KCNIP4: variants seen among roughly 807,000 people sequenced by gnomAD.
The protein encoded by KCNIP4 is potassium voltage-gated channel interacting protein 4.
A neutral mutation model predicts 34.0 loss-of-function variants in KCNIP4; 12 were observed. The observed-to-expected ratio is 0.35, with a 90% CI of 0.23 to 0.57. KCNIP4 has a LOEUF of 0.57. KCNIP4 is among the 20% of genes least tolerant of loss of function. KCNIP4 has a pLI of 0.83. For missense variants in KCNIP4, 238 were observed against 311.7 expected, an observed-to-expected ratio of 0.76 and a Z score of 1.78; for synonymous variants, 124 against 102.2, an observed-to-expected ratio of 1.21 and a Z score of -1.29.
At chr4:21,403,432 C>G (rs1407562737) in intron 1 of KCNIP4, among the ~76,000 whole-genome samples, 2 of 152,182 alleles carry the variant, frequency 1.3e-5, no homozygotes, top group Non-Finnish European at 1.5e-5. Context: ...GTTTTGCCAC[C>G]TACAGTCTAG....
At chr4:21,837,739 A>C (rs1723440220) in intron 1 of KCNIP4, among the ~76,000 whole-genome samples, 1 of 152,070 alleles carries the variant, frequency 6.6e-6, no homozygotes, top group Non-Finnish European at 1.5e-5. Context: ...GCCAAAATTT[A>C]AAATCATTTA....
At chr4:20,768,616 C>T (rs989708450) in intron 3 of KCNIP4, among the ~76,000 whole-genome samples, 6 of 152,164 alleles carry the variant, frequency 3.9e-5, no homozygotes, top group African/African-American at 7.2e-5. Flanking sequence ...TAAATGTTCT[C>T]ATCTGATATA....
At chr4:21,648,754 T>C (rs1298788491) in intron 1 of KCNIP4, among the ~76,000 whole-genome samples, 1 of 152,152 alleles carries the variant, frequency 6.6e-6, no homozygotes. Context: ...AGTGGCAAAG[T>C]AGGGTTGTTT....
chr4:21,860,515 A>AT (rs1560768849), intron 1 of KCNIP4, among the ~76,000 whole-genome samples: 1 of 152,092 alleles, frequency 6.6e-6, no homozygotes, highest in Non-Finnish European at 1.5e-5. Context: ...CTTTTTTCCC[A>AT]TTTTTGCTAA....
At chr4:21,287,592 C>T (rs892546358) in intron 1 of KCNIP4, among the ~76,000 whole-genome samples, 2 of 152,124 alleles carry the variant, frequency 1.3e-5, no homozygotes, top group African/African-American at 2.4e-5. Context: ...AGTTAATTTA[C>T]GTCTCAAAAG....
At chr4:20,840,283 T>C (rs779182904) in intron 3 of KCNIP4, among the ~76,000 whole-genome samples, 9 of 152,174 alleles carry the variant, frequency 5.9e-5, no homozygotes, top group Non-Finnish European at 1.0e-4. Flanking sequence ...CATTCTTTTG[T>C]TGTAATAAAT....
At chr4:21,147,956 A>AAAAAAAAAAAC (rs1553945843) in intron 1 of KCNIP4, among the ~76,000 whole-genome samples, 1 of 128,418 alleles carries the variant, frequency 7.8e-6, no homozygotes, top group Non-Finnish European at 1.6e-5. Flanking sequence ...AAAAAAAAAA[A>AAAAAAAAAAAC]AAAAGAAAAA....
chr4:21,510,024 C>A (rs1734174354), intron 1 of KCNIP4, among the ~76,000 whole-genome samples: 1 of 144,976 alleles, frequency 6.9e-6, no homozygotes, highest in Non-Finnish European at 1.5e-5. Context: ...AAGCAGCAAG[C>A]CGAGATCGCA....
At chr4:21,177,601 AG>A (rs1449930279) in intron 1 of KCNIP4, among the ~76,000 whole-genome samples, 1 of 152,076 alleles carries the variant, frequency 6.6e-6, no homozygotes, top group Non-Finnish European at 1.5e-5. Flanking sequence ...AGGCCGAGGC[AG>A]GCAGGTTACC....
chr4:21,500,043 A>G (rs1733184907), intron 1 of KCNIP4, among the ~76,000 whole-genome samples: 1 of 152,190 alleles, frequency 6.6e-6, no homozygotes, highest in South Asian at 2.1e-4. Flanking sequence ...AATTTGAGAT[A>G]ATCAAAAATT....
chr4:21,118,041 A>T (rs1749835080), intron 1 of KCNIP4, among the ~76,000 whole-genome samples: 1 of 152,166 alleles, frequency 6.6e-6, no homozygotes, highest in Non-Finnish European at 1.5e-5. Flanking sequence ...GGGTGAGAGG[A>T]GGATAGGCAT....
intron 1 of KCNIP4, among the ~76,000 whole-genome samples, chr4:21,654,880 C>T (rs949586935): frequency 6.6e-5 from 10 of 151,682 alleles, no homozygotes; most frequent in Admixed American, 5.3e-4. Flanking sequence ...GCAGAGATCG[C>T]GCCACTGCAC....
intron 1 of KCNIP4, among the ~76,000 whole-genome samples, chr4:21,243,624 T>C (rs1214114337): frequency 6.6e-6 from 1 of 152,130 alleles, no homozygotes; most frequent in African/African-American, 2.4e-5. Context: ...ACTCCAGAAC[T>C]AGAAACTCTC....
chr4:20,987,577 GATTA>G (rs1208308084), intron 1 of KCNIP4, among the ~76,000 whole-genome samples: 5 of 152,090 alleles, frequency 3.3e-5, no homozygotes, highest in African/African-American at 9.7e-5. Flanking sequence ...GGCGCATTGG[GATTA>G]ATTAATTTTC....
intron 1 of KCNIP4, among the ~76,000 whole-genome samples, chr4:21,710,753 T>C (rs1713660387): frequency 6.6e-6 from 1 of 152,158 alleles, no homozygotes; most frequent in African/African-American, 2.4e-5. Flanking sequence ...AATGAAGGTA[T>C]TATATTAAAC....
intron 1 of KCNIP4, among the ~76,000 whole-genome samples, chr4:21,485,374 T>C (rs751509017): frequency 2.6e-5 from 4 of 152,160 alleles, no homozygotes; most frequent in Non-Finnish European, 4.4e-5. Context: ...CTCTTGTCTA[T>C]GTCTCTAAAT....
intron 1 of KCNIP4, among the ~76,000 whole-genome samples, chr4:21,589,544 C>T (rs1226329911): frequency 1.3e-5 from 2 of 151,482 alleles, no homozygotes; most frequent in Non-Finnish European, 3.0e-5. Flanking sequence ...GATAAGCAGA[C>T]TAAATACTGT....
At chr4:21,587,908 A>G (rs1276827071) in intron 1 of KCNIP4, among the ~76,000 whole-genome samples, 1 of 152,034 alleles carries the variant, frequency 6.6e-6, no homozygotes, top group Admixed American at 6.6e-5. Context: ...TGTTTATTTG[A>G]GCACCTCCAT....
intron 1 of KCNIP4, among the ~76,000 whole-genome samples, chr4:21,133,030 G>A (rs529234189): frequency 1.1e-4 from 16 of 146,306 alleles, no homozygotes; most frequent in Admixed American, 3.4e-4. Flanking sequence ...AAAAAAAAAT[G>A]TTTTGCAAAT....
Sources: gnomAD v4.1 joint callset for allele counts (sites outside exome capture counted in the v4.1 genomes callset) on GRCh38, gnomAD v4.1.1 for gene constraint, MANE v1.5 for transcripts, NCBI Gene and HGNC (gene_info 2026-07-23, HGNC 2026-07-21) for gene names.